The following GLT8D2 variants were observed in gnomAD, a reference collection of about 807,000 sequenced individuals.
GLT8D2 encodes the protein glycosyltransferase 8 domain-containing protein 2.
A neutral mutation model predicts 44.5 loss-of-function variants in GLT8D2; 45 were observed. The observed-to-expected ratio is 1.01, with a 90% CI of 0.80 to 1.30. GLT8D2 has a LOEUF of 1.30. Ranked by LOEUF, GLT8D2 falls within the 50% of genes most tolerant of loss-of-function variation. The pLI is 0.00. For missense variants in GLT8D2, 400 were observed against 430.4 expected, an observed-to-expected ratio of 0.93 and a Z score of 0.62; for synonymous variants, 156 against 157.2, an observed-to-expected ratio of 0.99 and a Z score of 0.06.
In GLT8D2 at chr12:104,021,927, GAAGAAGAAGAAGAA is replaced by G. The variant is rs1566202361; in HGVS notation, c.-163-450_-163-437del. Among the ~76,000 whole-genome samples, 112 of 26,078 alleles carry G rather than the reference GAAGAAGAAGAAGAA, an allele frequency of 4.3e-3. 5 individuals carry two copies. The highest frequency in any genetic ancestry group is 0.027 in the Middle Eastern group (2 of 74). The allele number at this position is 26,078 out of a possible 152,430, so 17.1% of individuals were successfully genotyped here. A position where few individuals can be genotyped will look rare whatever the true frequency, so the allele number is the denominator to read the frequency against. On this transcript the variant is annotated intron_variant, in intron 1 of 10. Transcript: ENST00000360814. ...AGAAGAAGAAGAAGAAGAAGAAGAA[GAAGAAGAAGAAGAA>G]GAAGAAGAAGAAGAGGAAGAAGAGG...
intron 4 of GLT8D2, 93 bp from the exon 5 acceptor site, chr12:104,003,399 A>G (rs1302542633): frequency 1.8e-6 from 2 of 1,086,362 alleles, no homozygotes; most frequent in African/African-American, 1.6e-5. Flanking sequence ...GGAAGATGGC[A>G]TAGTGTGGAA....
rs147814742 is a variant in GLT8D2 at position 104,056,414 on chromosome 12, AAC to A, written c.-422-6128_-422-6127del. ...ATTGCAATTTACACTCTTGGCTGAA[AAC>A]ACAGGACTGTCTGCCACCTCCAGCA... On this transcript the variant is annotated intron_variant, in intron 1 of 10. Transcript: ENST00000548660. Among the ~76,000 whole-genome samples the A allele has an allele frequency of 9.8e-3, 1,488 of 152,312 alleles. 24 individuals are homozygous for A. Among genetic ancestry groups the A allele is most frequent in the African/African-American group, 0.034 (1,415 of 41,566 alleles).
intron 1 of GLT8D2, among the ~76,000 whole-genome samples, chr12:104,042,717 T>C (rs1333410783): frequency 6.6e-6 from 1 of 152,086 alleles, no homozygotes; most frequent in African/African-American, 2.4e-5. Flanking sequence ...GAAAGAAGAA[T>C]TGTCTTGGGC....
At chr12:104,033,806 GTATATA>G (rs34091331) in intron 1 of GLT8D2, among the ~76,000 whole-genome samples, 1 of 145,798 alleles carries the variant, frequency 6.9e-6, no homozygotes. Context: ...GTGTGTGTGT[GTATATA>G]TATATATATA....
At chr12:103,992,604 T>C (rs1872894714) in intron 10 of GLT8D2, among the ~76,000 whole-genome samples, 1 of 151,724 alleles carries the variant, frequency 6.6e-6, no homozygotes, top group Non-Finnish European at 1.5e-5. Flanking sequence ...GCGATTCTCC[T>C]GCCTCAGCCT....
At chr12:103,990,075 AC>A in intron 10 of GLT8D2, among the ~76,000 whole-genome samples, 1 of 118,020 alleles carries the variant, frequency 8.5e-6, no homozygotes, top group South Asian at 2.6e-4. Flanking sequence ...GTGTATGTGT[AC>A]AAATATATAT....
At chr12:104,022,928 A>G (rs1878102853) in intron 1 of GLT8D2, among the ~76,000 whole-genome samples, 1 of 152,234 alleles carries the variant, frequency 6.6e-6, no homozygotes, top group Non-Finnish European at 1.5e-5. Flanking sequence ...GCAAATTCTA[A>G]GAGGCATATT....
At position 104,028,887 on chromosome 12, in the gene GLT8D2, AT is replaced by A. The variant is rs1445167774; in HGVS notation, c.-163-7397del. On this transcript the variant is annotated intron_variant, in intron 1 of 10. Transcript: ENST00000360814. Reference sequence around the variant, plus strand: ...CATGGTCAAATCCAAATCATGGATCATTCTGAAGACGAACTGCCCTGGTCTC... The same window carrying A: ...CATGGTCAAATCCAAATCATGGATCATCTGAAGACGAACTGCCCTGGTCTC... 4.6e-5 allele frequency among the ~76,000 whole-genome samples: 7 copies of A among 152,228 alleles called. No homozygotes were observed. In the East Asian group the frequency reaches 1.4e-3, roughly 29 times the overall value.
intron 3 of GLT8D2, among the ~76,000 whole-genome samples, chr12:104,016,868 A>G (rs1221216435): frequency 2.0e-5 from 3 of 151,142 alleles, no homozygotes; most frequent in African/African-American, 7.3e-5. Flanking sequence ...GAAAGAAAGA[A>G]AGAAAGAAAG....
intron 4 of GLT8D2, among the ~76,000 whole-genome samples, chr12:104,008,714 T>C (rs540094285): frequency 2.0e-5 from 3 of 152,290 alleles, no homozygotes; most frequent in African/African-American, 7.2e-5. Context: ...CCCGGAGGCC[T>C]AGGAGAAAAT....
upstream of GLT8D2, among the ~76,000 whole-genome samples, chr12:104,053,032 A>T (rs1211176763): frequency 6.6e-6 from 1 of 152,190 alleles, no homozygotes; most frequent in African/African-American, 2.4e-5. Context: ...CTGCACACAC[A>T]TGAGCGAAAA....
chr12:104,015,042 T>C lies in GLT8D2; in HGVS notation c.83A>G (p.His28Arg). ...TLCVILYKKV[H>R]KGTVPKNDAD... Reference sequence around the variant, plus strand: ...GTCATTCTTGGGCACAGTCCCCTTATGAACTTTCTTATACAGAATCACACA... The same window carrying C: ...GTCATTCTTGGGCACAGTCCCCTTACGAACTTTCTTATACAGAATCACACA... The change falls in exon 4 of 11, where the codon CAT becomes CGT. Residue 28 changes from histidine to arginine, a missense_variant. His to Arg is a conservative substitution (Grantham distance 29, BLOSUM62 0). Transcript: ENST00000360814. The C allele has an allele frequency of 6.2e-7, 1 of 1,613,782 alleles. No individual in the cohort carries two copies. The highest frequency in any genetic ancestry group is 1.7e-5 in the Admixed American group (1 of 60,014).
upstream of GLT8D2, among the ~76,000 whole-genome samples, chr12:104,050,948 G>A (rs948642622): frequency 6.6e-5 from 10 of 151,582 alleles, no homozygotes; most frequent in Admixed American, 4.6e-4. Flanking sequence ...CCGAGTAGCT[G>A]GGATTACAGG....
At chr12:104,054,735 T>G (rs1920411), upstream of GLT8D2, among the ~76,000 whole-genome samples, 28,205 of 151,954 alleles carry the variant, frequency 0.19, 3,530 homozygotes, top group East Asian at 0.47. Context: ...AGTGTTTTCC[T>G]GGCAAAGAGC....
chr12:104,042,074 C>T (rs1880622914), intron 1 of GLT8D2, among the ~76,000 whole-genome samples: 1 of 152,236 alleles, frequency 6.6e-6, no homozygotes, highest in African/African-American at 2.4e-5. Context: ...GATCCAACAG[C>T]TCTTCCCATC....
chr12:104,060,324 T>C (rs1176293690), intron 1 of GLT8D2, among the ~76,000 whole-genome samples: 2 of 152,216 alleles, frequency 1.3e-5, no homozygotes, highest in East Asian at 3.8e-4. Flanking sequence ...CCTAGGTTGT[T>C]GTTTCCAAAC....
At chr12:103,999,988 T>C (rs777438675) in intron 5 of GLT8D2, among the ~76,000 whole-genome samples, 2 of 152,178 alleles carry the variant, frequency 1.3e-5, no homozygotes, top group Non-Finnish European at 2.9e-5. Flanking sequence ...TTTGATTTGG[T>C]CCCTTGATCT....
chr12:104,029,288 C>CAA (rs148274068), intron 1 of GLT8D2, among the ~76,000 whole-genome samples: 16 of 146,236 alleles, frequency 1.1e-4, no homozygotes, highest in South Asian at 4.3e-4. Flanking sequence ...GACTCCATCT[C>CAA]AAAAAAAAAA....
At chr12:104,024,140 G>A (rs189077956) in intron 1 of GLT8D2, among the ~76,000 whole-genome samples, 67 of 152,266 alleles carry the variant, frequency 4.4e-4, no homozygotes, top group African/African-American at 1.5e-3. Flanking sequence ...CCTGCACTTT[G>A]GGAAGCCAAG....
Sources: allele counts gnomAD v4.1 joint callset (sites outside exome capture counted in the v4.1 genomes callset), GRCh38; gene constraint gnomAD v4.1.1; transcripts MANE v1.5; gene names NCBI Gene and HGNC (gene_info 2026-07-23, HGNC 2026-07-21).